The following EFNA5 variants were observed in gnomAD, a reference collection of about 807,000 sequenced individuals.
The protein encoded by EFNA5 is ephrin A5.
EFNA5 carries 5 observed loss-of-function variants against 22.9 expected under a neutral mutation model. That is an observed-to-expected ratio of 0.22 (90% CI 0.11 to 0.46). The LOEUF (loss-of-function observed/expected upper bound fraction) is 0.46, where lower values mean the gene tolerates loss of function less well. Among genes scored for constraint, EFNA5 ranks in the 20% least tolerant of loss-of-function variants. EFNA5 has a pLI of 0.99. For synonymous variants in EFNA5, 113 were observed against 112.2 expected, an observed-to-expected ratio of 1.01 and a Z score of -0.04; for missense variants, 237 against 293.3, an observed-to-expected ratio of 0.81 and a Z score of 1.40.
chr5:107,480,459 T>A (rs1175904050), intron 1 of EFNA5, among the ~76,000 whole-genome samples: 1 of 151,890 alleles, frequency 6.6e-6, no homozygotes, highest in African/African-American at 2.4e-5. Context: ...TCTGGTAGAG[T>A]GTAAAAAAGG....
chr5:107,407,801 T>C lies in EFNA5; in HGVS notation c.418+19416A>G, dbSNP rs546209285. Among the ~76,000 whole-genome samples, 6 of 152,314 alleles carry C rather than the reference T, an allele frequency of 3.9e-5. No individual in the cohort carries two copies. In the South Asian group the frequency reaches 1.0e-3, roughly 26 times the overall value. Reference sequence around the variant, plus strand: ...CCCTTTAGAGAAAAGAGTATAATTTTACCATTTTAAATAACTATGAAAGGT... The same window carrying C: ...CCCTTTAGAGAAAAGAGTATAATTTCACCATTTTAAATAACTATGAAAGGT... On this transcript the variant is annotated intron_variant, in intron 2 of 4. Coordinates refer to ENST00000333274, the MANE Select transcript of EFNA5 (RefSeq NM_001962.3).
chr5:107,425,777 T>C (rs540451091), intron 2 of EFNA5, among the ~76,000 whole-genome samples: 1 of 152,346 alleles, frequency 6.6e-6, no homozygotes, highest in African/African-American at 2.4e-5. Context: ...ATCTGACTTA[T>C]TATAAAATTC....
intron 1 of EFNA5, among the ~76,000 whole-genome samples, chr5:107,579,580 T>C (rs1425353562): frequency 6.6e-6 from 1 of 151,904 alleles, no homozygotes; most frequent in Non-Finnish European, 1.5e-5. Context: ...AATCATTCCA[T>C]ACCAGAATAA....
rs906563767 is a variant in EFNA5 at position 107,517,657 on chromosome 5, A to G, written c.126-90148T>C. On this transcript the variant is annotated intron_variant, in intron 1 of 4. Coordinates refer to ENST00000333274, the MANE Select transcript of EFNA5 (RefSeq NM_001962.3). Reference sequence around the variant, plus strand: ...AACGTCAAACAAATTGCGCTGCATTATGTCTGAATCATGTTCTGTGACAAG... The same window carrying G: ...AACGTCAAACAAATTGCGCTGCATTGTGTCTGAATCATGTTCTGTGACAAG... Among the ~76,000 whole-genome samples the G allele has an allele frequency of 3.9e-5, 6 of 152,238 alleles. No individual in the cohort carries two copies. In the East Asian group the frequency reaches 1.2e-3, roughly 29 times the overall value.
intron 1 of EFNA5, among the ~76,000 whole-genome samples, chr5:107,462,081 CTGT>C: frequency 6.6e-6 from 1 of 152,116 alleles, no homozygotes; most frequent in Non-Finnish European, 1.5e-5. Flanking sequence ...CCTGGGATCA[CTGT>C]AGAAATCCAG....
rs566580394 is a variant in EFNA5 at position 107,431,144 on chromosome 5, T to G, written c.126-3635A>C. Among the ~76,000 whole-genome samples the G allele has an allele frequency of 4.6e-5, 7 of 152,316 alleles. No individual in the cohort carries two copies. The East Asian group carries it at 1.3e-3, about 29-fold the overall frequency. On this transcript the variant is annotated intron_variant, in intron 1 of 4. Transcript: ENST00000333274. ...GATGATGATTCACTACAGAATCAAT[T>G]TACACTTTTGTTTCAGATCTTAAAT...
chr5:107,405,481 T>C (rs1402963187), intron 2 of EFNA5, among the ~76,000 whole-genome samples: 1 of 152,166 alleles, frequency 6.6e-6, no homozygotes, highest in Non-Finnish European at 1.5e-5. Flanking sequence ...AAAGGTGACT[T>C]TGTATCTATT....
intron 1 of EFNA5, among the ~76,000 whole-genome samples, chr5:107,660,695 T>A (rs1333394753): frequency 6.6e-6 from 1 of 152,140 alleles, no homozygotes; most frequent in Non-Finnish European, 1.5e-5. Flanking sequence ...ATTTGTTTTA[T>A]ACAGTATTTA....
rs1747282854 is a variant in EFNA5 at position 107,377,081 on chromosome 5, G to A, written c.*4174C>T. Reference sequence around the variant, plus strand: ...AAGTGCAAAGGAACTGCAAAGCAGGGCAGTACAAGCACAGGACCACACGGA... The same window carrying A: ...AAGTGCAAAGGAACTGCAAAGCAGGACAGTACAAGCACAGGACCACACGGA... On this transcript the variant is annotated 3_prime_UTR_variant, in exon 5 of 5. Coordinates refer to ENST00000333274, the MANE Select transcript of EFNA5 (RefSeq NM_001962.3). 6.6e-6 allele frequency: 1 copy of A among 152,036 alleles called. No individual in the cohort carries two copies. Among genetic ancestry groups the A allele is most frequent in the African/African-American group, 2.4e-5 (1 of 41,360 alleles). 9.4% of individuals were successfully genotyped at this position (152,036 alleles called of 1,614,324 possible).
At chr5:107,639,377 G>A (rs1157158069) in intron 1 of EFNA5, among the ~76,000 whole-genome samples, 2 of 152,210 alleles carry the variant, frequency 1.3e-5, no homozygotes, top group African/African-American at 4.8e-5. Flanking sequence ...AACTTCCACG[G>A]TTCATAATTC....
At chr5:107,498,448 A>G (rs1481096014) in intron 1 of EFNA5, among the ~76,000 whole-genome samples, 1 of 152,192 alleles carries the variant, frequency 6.6e-6, no homozygotes, top group African/African-American at 2.4e-5. Context: ...CAGCTTCCAT[A>G]ATCCACTTAC....
chr5:107,646,439 C>T (rs968247925), intron 1 of EFNA5, among the ~76,000 whole-genome samples: 45 of 152,174 alleles, frequency 3.0e-4, no homozygotes, highest in African/African-American at 1.0e-3. Flanking sequence ...CTACTGTGTG[C>T]CAAGCACTAT....
chr5:107,587,269 C>T lies in EFNA5; in HGVS notation c.125+83220G>A, dbSNP rs1335638367. 4.6e-5 allele frequency among the ~76,000 whole-genome samples: 7 copies of T among 152,138 alleles called. No homozygotes were observed. The East Asian group carries it at 1.4e-3, about 29-fold the overall frequency. Reference sequence around the variant, plus strand: ...CTGTCCTTGTCTCCTCCTTCTTATCCTAGAGAAGTAGTAAAAGTGGAAGCC... The same window carrying T: ...CTGTCCTTGTCTCCTCCTTCTTATCTTAGAGAAGTAGTAAAAGTGGAAGCC... On this transcript the variant is annotated intron_variant, in intron 1 of 4. Coordinates refer to ENST00000333274, the MANE Select transcript of EFNA5 (RefSeq NM_001962.3).
intron 1 of EFNA5, among the ~76,000 whole-genome samples, chr5:107,639,305 T>C (rs966787709): frequency 6.6e-6 from 1 of 152,222 alleles, no homozygotes. Context: ...ATATACCTGC[T>C]TAAACAATAG....
At chr5:107,430,706 G>C (rs1344230434) in intron 1 of EFNA5, among the ~76,000 whole-genome samples, 1 of 150,948 alleles carries the variant, frequency 6.6e-6, no homozygotes, top group Non-Finnish European at 1.5e-5. Context: ...TGCATGGAGT[G>C]TTAAGTGAAT....
chr5:107,518,864 A>G (rs1207775916), intron 1 of EFNA5, among the ~76,000 whole-genome samples: 1 of 152,182 alleles, frequency 6.6e-6, no homozygotes, highest in African/African-American at 2.4e-5. Flanking sequence ...TAGAAACTCA[A>G]TGGAAAGTAT....
In EFNA5 at chr5:107,651,663, T is replaced by C. The variant is rs549812735; in HGVS notation, c.125+18826A>G. ...GCTAATGATTTTTGTGAACAATGGTTTTTTGGCAAAAAAAAAAAAAAGCTT... is the reference window on the plus strand; with the variant it reads ...GCTAATGATTTTTGTGAACAATGGTCTTTTGGCAAAAAAAAAAAAAAGCTT... On this transcript the variant is annotated intron_variant, in intron 1 of 4. Transcript: ENST00000333274. Among the ~76,000 whole-genome samples the C allele has an allele frequency of 4.7e-5, 4 of 84,322 alleles. No individual in the cohort carries two copies. The East Asian group carries it at 3.7e-3, about 78-fold the overall frequency. The allele number at this position is 84,322 out of a possible 152,430, so 55.3% of individuals were successfully genotyped here. A position where few individuals can be genotyped will look rare whatever the true frequency, so the allele number is the denominator to read the frequency against.
rs566240638 is a variant in EFNA5 at position 107,485,185 on chromosome 5, C to A, written c.126-57676G>T. ...TTCAAATCCCTTTTCTGCATCTCAA[C>A]TTTTGTCTGCACTAGATGGTCCAAT... On this transcript the variant is annotated intron_variant, in intron 1 of 4. Coordinates refer to ENST00000333274, the MANE Select transcript of EFNA5 (RefSeq NM_001962.3). Among the ~76,000 whole-genome samples, 250 of 152,268 alleles carry A rather than the reference C, an allele frequency of 1.6e-3. 3 individuals are homozygous for A. The highest frequency in any genetic ancestry group is 2.3e-3 in the Non-Finnish European group (156 of 68,014).
chr5:107,534,408 G>A (rs1214509089), intron 1 of EFNA5, among the ~76,000 whole-genome samples: 2 of 152,198 alleles, frequency 1.3e-5, no homozygotes, highest in South Asian at 2.1e-4. Context: ...TTAGTTTTAT[G>A]TCTAGTCCTG....
Sources: gnomAD v4.1 joint callset for allele counts (sites outside exome capture counted in the v4.1 genomes callset) on GRCh38, gnomAD v4.1.1 for gene constraint, MANE v1.5 for transcripts, NCBI Gene and HGNC (gene_info 2026-07-23, HGNC 2026-07-21) for gene names.